The following TMEM30A variants were observed in gnomAD, a reference collection of about 807,000 sequenced individuals.
TMEM30A encodes the protein cell division cycle 50 P4-ATPase accessory subunit A.
In TMEM30A, 24 loss-of-function variants were observed where a neutral mutation model predicts 38.2. That is an observed-to-expected ratio of 0.63 (90% CI 0.46 to 0.88). The LOEUF (loss-of-function observed/expected upper bound fraction) is 0.88, where lower values mean the gene tolerates loss of function less well. TMEM30A is among the 40% of genes least tolerant of loss of function. The probability of loss-of-function intolerance (pLI) is 0.00; values close to 1 mark genes in which losing one functional copy is unlikely to be tolerated. For missense variants in TMEM30A, 370 were observed against 458.6 expected, an observed-to-expected ratio of 0.81 and a Z score of 1.77; for synonymous variants, 145 against 161.6, an observed-to-expected ratio of 0.90 and a Z score of 0.78.
intron 1 of TMEM30A, among the ~76,000 whole-genome samples, chr6:75,283,400 GAA>G (rs529658069): frequency 6.9e-6 from 1 of 145,534 alleles, no homozygotes; most frequent in African/African-American, 2.5e-5. Flanking sequence ...AATAGATTTA[GAA>G]AAAAAAAAAT....
At position 75,284,544 on chromosome 6, in the gene TMEM30A, G is replaced by A. The variant is rs749878082; in HGVS notation, c.95C>T (p.Ala32Val). 2 of 1,612,526 alleles carry A rather than the reference G, an allele frequency of 1.2e-6. No individual in the cohort carries two copies. Among genetic ancestry groups the A allele is most frequent in the Admixed American group, 1.7e-5 (1 of 59,846 alleles). ...TAKTRRPDNTAFKQQRLPAWQ... is the reference protein window; with the variant it reads ...TAKTRRPDNTVFKQQRLPAWQ... ...AGCTGGCAGCCGTTGCTGTTTGAAG[G>A]CCGTGTTATCCGGTCTCCGAGTCTT... Residue 32 changes from alanine to valine, a missense_variant, in exon 1 of 7, where the codon GCC becomes GTC. Transcript: ENST00000230461.
intron 1 of TMEM30A, among the ~76,000 whole-genome samples, chr6:75,276,303 A>G (rs1361040823): frequency 6.6e-6 from 1 of 152,222 alleles, no homozygotes; most frequent in African/African-American, 2.4e-5. Context: ...GCTCTAGCAA[A>G]TAAAGCAAAC....
rs143252321 is a variant in TMEM30A, at chr6:75,275,002, C to T, written c.238-7254G>A. ...CTCCAGCCTGGGTGACAGATCGAGA[C>T]TCTGTCTCAAAAAAAAAAAAAAAAA... On this transcript the variant is annotated intron_variant, in intron 1 of 6. Transcript: ENST00000230461. Among the ~76,000 whole-genome samples, 893 of 98,054 alleles carry T rather than the reference C, an allele frequency of 9.1e-3. 7 individuals are homozygous for T. The highest frequency in any genetic ancestry group is 0.032 in the African/African-American group (863 of 27,194). 64.3% of individuals were successfully genotyped at this position (98,054 alleles called of 152,430 possible).
intron 1 of TMEM30A, among the ~76,000 whole-genome samples, chr6:75,275,341 T>C (rs980335294): frequency 6.6e-6 from 1 of 152,214 alleles, no homozygotes; most frequent in South Asian, 2.1e-4. Flanking sequence ...CCTCAAAATA[T>C]GTAACTCTAG....
At chr6:75,267,000 T>G (rs1369264845) in intron 2 of TMEM30A, among the ~76,000 whole-genome samples, 1 of 152,180 alleles carries the variant, frequency 6.6e-6, no homozygotes, top group African/African-American at 2.4e-5. Context: ...TGGCATGTAT[T>G]AACGCAGTTT....
Position 75,260,806 on chromosome 6 carries a change from T to C in TMEM30A, c.541+18A>G. 1 of 1,485,600 alleles carries C rather than the reference T, an allele frequency of 6.7e-7. No individual in the cohort carries two copies. The highest frequency in any genetic ancestry group is 9.1e-7 in the Non-Finnish European group (1 of 1,100,158). The allele number at this position is 1,485,600 out of a possible 1,614,324, so 92.0% of individuals were successfully genotyped here. ...ATTGTCCTAATTATATATGTCTATA[T>C]TTGTATCTATATCATACCATTAAAC... On this transcript the variant is annotated intron_variant, in intron 4 of 6. Transcript: ENST00000230461.
intron 1 of TMEM30A, 142 bp downstream of exon 1, chr6:75,284,252 GAAAAAACA>G (rs1772417049): frequency 1.3e-6 from 1 of 757,274 alleles, no homozygotes; most frequent in African/African-American, 1.7e-5. Context: ...GAAAGAGAAA[GAAAAAACA>G]GAGAAACAGA....
At chr6:75,267,809 G>A in intron 1 of TMEM30A, 61 bp from the exon 2 acceptor site, 3 of 1,134,936 alleles carry the variant, frequency 2.6e-6, no homozygotes, top group African/African-American at 1.6e-5. Context: ...AAAACACTCT[G>A]AAACGACTTG....
intron 3 of TMEM30A, among the ~76,000 whole-genome samples, chr6:75,263,493 G>A (rs936298728): frequency 6.6e-6 from 1 of 152,056 alleles, no homozygotes; most frequent in Non-Finnish European, 1.5e-5. Context: ...TAGTGACTTG[G>A]AACAAAAAAA....
At chr6:75,278,174 A>G (rs1008765365) in intron 1 of TMEM30A, among the ~76,000 whole-genome samples, 2 of 152,248 alleles carry the variant, frequency 1.3e-5, no homozygotes, top group African/African-American at 4.8e-5. Context: ...AAATGCAAAC[A>G]TTAATTCCAG....
intron 1 of TMEM30A, among the ~76,000 whole-genome samples, chr6:75,276,121 A>G (rs747539261): frequency 3.3e-5 from 5 of 152,232 alleles, no homozygotes; most frequent in Non-Finnish European, 5.9e-5. Flanking sequence ...AGCTGAACAC[A>G]TGGAAGTGCC....
chr6:75,262,312 A>G (rs1190238420), intron 3 of TMEM30A, among the ~76,000 whole-genome samples: 2 of 152,042 alleles, frequency 1.3e-5, no homozygotes, highest in Non-Finnish European at 2.9e-5. Flanking sequence ...GTGCCACTGC[A>G]CTCCAGCCTG....
rs654428 is a variant in TMEM30A, at chr6:75,254,035, C to T, written c.*2067G>A. The T allele has an allele frequency of 0.92, 139,412 of 152,136 alleles. 64,095 individuals carry two copies. Among genetic ancestry groups the T allele is most frequent in the East Asian group, 0.98 (5,087 of 5,176 alleles). The allele number at this position is 152,136 out of a possible 1,614,324, so 9.4% of individuals were successfully genotyped here. A position where few individuals can be genotyped will look rare whatever the true frequency, so the allele number is the denominator to read the frequency against. ...CCCCCCATGCTTCACAGAGACTATA[C>T]GAATGTTCCATACTCTTCATATTTA... On this transcript the variant is annotated 3_prime_UTR_variant, in exon 7 of 7. Coordinates refer to ENST00000230461, the MANE Select transcript of TMEM30A (RefSeq NM_018247.4).
Position 75,265,281 on chromosome 6 carries a change from C to A in TMEM30A, c.403G>T (p.Val135Leu). ...AGTTGACTATCATCTCGAGATTTCACGTAACGACGATGGTTTTGATAGAAA... is the reference window on the plus strand; with the variant it reads ...AGTTGACTATCATCTCGAGATTTCAAGTAACGACGATGGTTTTGATAGAAA... ...SNFYQNHRRY[V>L]KSRDDSQLNG... The change falls in exon 3 of 7, where the codon GTG becomes TTG. Residue 135 changes from valine (V) to leucine (L), a missense_variant. By Grantham distance (32) the Val-to-Leu change is conservative (BLOSUM62 1). Coordinates refer to ENST00000230461, the MANE Select transcript of TMEM30A (RefSeq NM_018247.4). 1 of 1,611,526 alleles carries A rather than the reference C, an allele frequency of 6.2e-7. No homozygotes were observed. Among genetic ancestry groups the A allele is most frequent in the Non-Finnish European group, 8.5e-7 (1 of 1,178,704 alleles).
chr6:75,274,876 T>G (rs1215279561), intron 1 of TMEM30A, among the ~76,000 whole-genome samples: 1 of 151,950 alleles, frequency 6.6e-6, no homozygotes, highest in African/African-American at 2.4e-5. Flanking sequence ...CCAGGCCTGG[T>G]GGCGGGCGCC....
intron 1 of TMEM30A, among the ~76,000 whole-genome samples, chr6:75,279,325 TA>T (rs1206414137): frequency 6.6e-6 from 1 of 152,166 alleles, no homozygotes; most frequent in Non-Finnish European, 1.5e-5. Flanking sequence ...TAGCCAGACA[TA>T]ATGTCCAGAC....
In TMEM30A at chr6:75,282,473, T is replaced by G. The variant is rs1772375321; in HGVS notation, c.237+1929A>C. On this transcript the variant is annotated intron_variant, in intron 1 of 6. Coordinates refer to ENST00000230461, the MANE Select transcript of TMEM30A (RefSeq NM_018247.4). ...AAGCTGAGTTCTGAAAATACTAATT[T>G]ATATACAATTCCAAATTATTGCTAT... Among the ~76,000 whole-genome samples the G allele has an allele frequency of 3.9e-5, 6 of 152,218 alleles. No homozygotes were observed. The South Asian group carries it at 1.2e-3, about 32-fold the overall frequency.
intron 3 of TMEM30A, among the ~76,000 whole-genome samples, chr6:75,262,432 C>G (rs188268990): frequency 1.7e-3 from 252 of 152,148 alleles, no homozygotes; most frequent in African/African-American, 5.8e-3. Flanking sequence ...ATCACGAGGT[C>G]AGGAGTTCAA....
At position 75,256,039 on chromosome 6, in the gene TMEM30A, A is replaced by G. The variant is rs1320521631; in HGVS notation, c.*63T>C. 1.7e-6 allele frequency: 2 copies of G among 1,194,190 alleles called. No individual in the cohort carries two copies. Among genetic ancestry groups the G allele is most frequent in the Non-Finnish European group, 2.3e-6 (2 of 857,002 alleles). 74.0% of individuals were successfully genotyped at this position (1,194,190 alleles called of 1,614,324 possible). A position where few individuals can be genotyped will look rare whatever the true frequency, so the allele number is the denominator to read the frequency against. ...ATACTAACCAGATATCAGCATTCGA[A>G]AGCTAGGTTGAATAGGACTGGCCTT... On this transcript the variant is annotated 3_prime_UTR_variant, in exon 7 of 7. Transcript: ENST00000230461.
Sources: gnomAD v4.1 joint callset for allele counts (sites outside exome capture counted in the v4.1 genomes callset) on GRCh38, gnomAD v4.1.1 for gene constraint, MANE v1.5 for transcripts, NCBI Gene and HGNC (gene_info 2026-07-23, HGNC 2026-07-21) for gene names.